Variants in CNTRL observed in about 807,000 individuals in gnomAD.
The protein encoded by CNTRL is centriolin.
A neutral mutation model predicts 303.7 loss-of-function variants in CNTRL; 233 were observed. That is an observed-to-expected ratio of 0.77 (90% CI 0.69 to 0.86). The LOEUF (loss-of-function observed/expected upper bound fraction) is 0.86. Among genes scored for constraint, CNTRL ranks in the 40% least tolerant of loss-of-function variants. CNTRL has a pLI of 0.00. For missense variants in CNTRL, 2,524 were observed against 2,650.6 expected (o/e 0.95, Z 1.05); for synonymous variants, 900 against 922.2 (o/e 0.98, Z 0.44).
intron 16 of CNTRL, among the ~76,000 whole-genome samples, 195 bp downstream of exon 16, chr9:121,138,874 A>C (rs2051345622): frequency 6.6e-6 from 1 of 152,166 alleles, no homozygotes; most frequent in South Asian, 2.1e-4. Flanking sequence ...TTATTTGTGA[A>C]TCTCCTTTTG....
At chr9:121,094,103 GTCCCCGCCCCC>G (rs145429158) in intron 4 of CNTRL, among the ~76,000 whole-genome samples, 2,466 of 151,606 alleles carry the variant, frequency 0.016, 71 homozygotes, top group African/African-American at 0.058. Context: ...GCGAGACTCG[GTCCCCGCCCCC>G]TCCCCACCCC....
At chr9:121,140,599 C>A in intron 16 of CNTRL, 42 bp from the exon 17 acceptor site, 1 of 1,525,532 alleles carries the variant, frequency 6.6e-7, no homozygotes. Flanking sequence ...TGAAAATATG[C>A]TGGCATGTAA....
intron 2 of CNTRL, among the ~76,000 whole-genome samples, chr9:121,081,613 T>G (rs1402784854): frequency 6.6e-6 from 1 of 152,238 alleles, no homozygotes; most frequent in East Asian, 1.9e-4. Context: ...GAAATACTAC[T>G]TACATTTTCC....
chr9:121,112,679 T>C (rs1383402874), intron 9 of CNTRL, 101 bp downstream of exon 9: 2 of 1,194,110 alleles, frequency 1.7e-6, no homozygotes, highest in Admixed American at 1.9e-5. Context: ...TGATCAGATA[T>C]CACTCCACTT....
intron 1 of CNTRL, among the ~76,000 whole-genome samples, chr9:121,078,836 T>C (rs933632485): frequency 6.6e-6 from 1 of 152,340 alleles, no homozygotes; most frequent in East Asian, 1.9e-4. Flanking sequence ...ATGCATAGCG[T>C]AAGGCAGGTG....
intron 11 of CNTRL, 107 bp from the exon 12 acceptor site, chr9:121,118,239 T>TA (rs1178654763): frequency 3.2e-6 from 3 of 929,164 alleles, no homozygotes; most frequent in East Asian, 3.1e-5. Context: ...CTTTTATTTT[T>TA]AAAAAACTGA....
intron 2 of CNTRL, among the ~76,000 whole-genome samples, chr9:121,082,430 C>T (rs1367247947): frequency 6.6e-6 from 1 of 152,188 alleles, no homozygotes; most frequent in Non-Finnish European, 1.5e-5. Flanking sequence ...ACTTAAAGTA[C>T]AGAGGCACTT....
intron 14 of CNTRL, among the ~76,000 whole-genome samples, chr9:121,127,901 T>C (rs1382115227): frequency 6.6e-6 from 1 of 151,262 alleles, no homozygotes. Context: ...GGTGTTTGGT[T>C]TTCTGTCCTT....
rs2052024471 is a variant in CNTRL at position 121,148,698 on chromosome 9, C to T, written c.3486C>T (p.Thr1162=). ...TTTCCAGCCATAGTTCCCAGGCCAC[C>T]AAGGACTCTGGTGTTGGCCTTAAGT... The part of the protein sequence containing the change: ...SKVSSHSSQA[T]KDSGVGLKYS... Residue 1162 remains threonine, a synonymous_variant, in exon 24 of 44, where the codon ACC becomes ACT. Transcript: ENST00000373855. 1 of 1,613,700 alleles carries T rather than the reference C, an allele frequency of 6.2e-7. No individual in the cohort carries two copies. Among genetic ancestry groups the T allele is most frequent in the Admixed American group, 1.7e-5 (1 of 59,976 alleles).
intron 7 of CNTRL, among the ~76,000 whole-genome samples, chr9:121,104,569 A>G (rs1307693954): frequency 6.6e-6 from 1 of 152,146 alleles, no homozygotes; most frequent in Non-Finnish European, 1.5e-5. Flanking sequence ...AAAGAAAAGA[A>G]AAAAAGAAAA....
rs2053305404 is a variant in CNTRL at position 121,171,545 on chromosome 9, A to G, written c.6414A>G (p.Lys2138=). 1 of 1,613,376 alleles carries G rather than the reference A, an allele frequency of 6.2e-7. No individual in the cohort carries two copies. Among genetic ancestry groups the G allele is most frequent in the East Asian group, 2.2e-5 (1 of 44,842 alleles). Residue 2138 remains lysine, a synonymous_variant, in exon 40 of 44, where the codon AAA becomes AAG. Transcript: ENST00000373855. Reference sequence around the variant, plus strand: ...AGTATGAGTACACGGAGCTCAAGAAACAGGTGTGTGCCCAGAAAGCCCAGC... The same window carrying G: ...AGTATGAGTACACGGAGCTCAAGAAGCAGGTGTGTGCCCAGAAAGCCCAGC... The part of the protein sequence containing the change: ...QMQYEYTELK[K]QMANQKDLER...
At chr9:121,149,362 C>G (rs1429919680) in intron 24 of CNTRL, among the ~76,000 whole-genome samples, 2 of 151,860 alleles carry the variant, frequency 1.3e-5, no homozygotes, top group Admixed American at 6.6e-5. Flanking sequence ...AATGTGAATA[C>G]TACCTTCTGA....
At chr9:121,143,392 G>T (rs2051636693) in intron 19 of CNTRL, among the ~76,000 whole-genome samples, 1 of 152,166 alleles carries the variant, frequency 6.6e-6, no homozygotes, top group Non-Finnish European at 1.5e-5. Context: ...CTGCTCCCCA[G>T]AGCAGCCAAG....
At chr9:121,127,694 T>G (rs1193166524) in intron 14 of CNTRL, among the ~76,000 whole-genome samples, 3 of 152,072 alleles carry the variant, frequency 2.0e-5, no homozygotes, top group Non-Finnish European at 4.4e-5. Flanking sequence ...CTAGGGTACA[T>G]GCAGATTTGT....
chr9:121,177,375 T>C lies in CNTRL; in HGVS notation c.*189T>C, dbSNP rs544667012. On this transcript the variant is annotated 3_prime_UTR_variant, in exon 44 of 44. Coordinates refer to ENST00000373855, the MANE Select transcript of CNTRL (RefSeq NM_007018.6). ...ATAAATCACTTGTACATAGTACATATGGGAATAGTTGCATATGGGAATTTA... is the reference window on the plus strand; with the variant it reads ...ATAAATCACTTGTACATAGTACATACGGGAATAGTTGCATATGGGAATTTA... 5.8e-5 allele frequency: 27 copies of C among 463,972 alleles called. No homozygotes were observed. Among genetic ancestry groups the C allele is most frequent in the Admixed American group, 2.1e-4 (5 of 23,374 alleles). 28.7% of individuals were successfully genotyped at this position (463,972 alleles called of 1,614,324 possible).
Position 121,154,741 on chromosome 9 carries a change from T to A in CNTRL, c.4193T>A (p.Val1398Asp), listed in dbSNP as rs757362950. Residue 1398 changes from valine (V) to aspartate (D), a missense_variant, in exon 27 of 44, where the codon GTT (valine) becomes GAT (aspartate). Physicochemically the swap from Val to Asp is radical, Grantham distance 152. Coordinates refer to ENST00000373855, the MANE Select transcript of CNTRL (RefSeq NM_007018.6). ...TTTAGGGACTTCATTGATGGAAATG[T>A]TGAGAGTCTTATGACTGAACTAGAA... is the stretch of plus-strand genomic sequence containing the variant. The part of the protein sequence containing the change: ...QQQKDFIDGN[V>D]ESLMTELEIE... 3.7e-6 allele frequency: 6 copies of A among 1,603,874 alleles called. No homozygotes were observed. The highest frequency in any genetic ancestry group is 2.7e-5 in the African/African-American group (2 of 74,790).
chr9:121,104,624 A>G (rs926991458), intron 7 of CNTRL, among the ~76,000 whole-genome samples: 17 of 152,002 alleles, frequency 1.1e-4, no homozygotes, highest in Non-Finnish European at 2.2e-4. Flanking sequence ...TGTAGACATA[A>G]GTAGGTGTGA....
At chr9:121,142,055 C>T in intron 18 of CNTRL, 36 bp from the exon 19 acceptor site, 1 of 1,507,848 alleles carries the variant, frequency 6.6e-7, no homozygotes. Context: ...ACATATTTTG[C>T]CTAAAAATCA....
intron 14 of CNTRL, among the ~76,000 whole-genome samples, chr9:121,126,484 C>T (rs1264723949): frequency 6.6e-6 from 1 of 152,128 alleles, no homozygotes; most frequent in Non-Finnish European, 1.5e-5. Context: ...TTCAGTAGAG[C>T]TGGCTCCAGA....
Sources: gnomAD v4.1 joint callset for allele counts (sites outside exome capture counted in the v4.1 genomes callset) on GRCh38, gnomAD v4.1.1 for gene constraint, MANE v1.5 for transcripts, NCBI Gene and HGNC (gene_info 2026-07-23, HGNC 2026-07-21) for gene names.